Variants in MAGI1 observed in about 807,000 individuals in gnomAD.
MAGI1 encodes the protein membrane-associated guanylate kinase, WW and PDZ domain-containing protein 1.
In MAGI1, 58 loss-of-function variants were observed where a neutral mutation model predicts 139.9. The observed-to-expected ratio is 0.41, with a 90% CI of 0.34 to 0.52. The LOEUF is 0.52. Ranked by LOEUF, MAGI1 falls within the 20% of genes least tolerant of loss-of-function variation. The pLI is 0.12. For missense variants in MAGI1, 1,874 were observed against 1,901.6 expected, an observed-to-expected ratio of 0.99 and a Z score of 0.27; for synonymous variants, 812 against 737.9, an observed-to-expected ratio of 1.10 and a Z score of -1.63.
chr3:65,372,030 G>A (rs997432766), intron 18 of MAGI1: 3 of 251,518 alleles, frequency 1.2e-5, no homozygotes, highest in Non-Finnish European at 2.4e-5. Context: ...TGTCTCCCAT[G>A]AATCATAAAT....
chr3:65,898,867 A>G (rs1300341716), intron 1 of MAGI1, among the ~76,000 whole-genome samples: 1 of 152,220 alleles, frequency 6.6e-6, no homozygotes, highest in Non-Finnish European at 1.5e-5. Flanking sequence ...ATGAATATGT[A>G]CAATTATTAT....
At chr3:65,509,267 A>G (rs2077444660) in intron 2 of MAGI1, among the ~76,000 whole-genome samples, 1 of 152,164 alleles carries the variant, frequency 6.6e-6, no homozygotes, top group African/African-American at 2.4e-5. Context: ...AACACATAAC[A>G]TATGTTACAT....
intron 2 of MAGI1, among the ~76,000 whole-genome samples, chr3:65,605,084 CAAAGAT>C (rs1253040863): frequency 1.3e-5 from 2 of 152,178 alleles, no homozygotes; most frequent in African/African-American, 2.4e-5. Context: ...ACAGCTCTAA[CAAAGAT>C]AAAGTTCCAG....
intron 1 of MAGI1, among the ~76,000 whole-genome samples, chr3:65,911,871 C>A (rs2061682890): frequency 6.6e-6 from 1 of 152,152 alleles, no homozygotes; most frequent in South Asian, 2.1e-4. Context: ...TAGTGGCTTC[C>A]TGTTCGTTAC....
chr3:65,872,370 C>T (rs576235840), intron 1 of MAGI1, among the ~76,000 whole-genome samples: 1 of 152,336 alleles, frequency 6.6e-6, no homozygotes, highest in South Asian at 2.1e-4. Context: ...AACTCTTCCT[C>T]TCCACTGTCT....
intron 2 of MAGI1, among the ~76,000 whole-genome samples, chr3:65,586,247 A>G (rs2081671116): frequency 6.6e-6 from 1 of 152,028 alleles, no homozygotes. Context: ...GCTTAAGTCC[A>G]TTTTATTAAG....
intron 1 of MAGI1, among the ~76,000 whole-genome samples, chr3:65,936,233 A>C (rs1294613124): frequency 6.6e-6 from 1 of 152,220 alleles, no homozygotes; most frequent in Non-Finnish European, 1.5e-5. Context: ...AAGGCCCTAG[A>C]AATAACAGGA....
intron 1 of MAGI1, among the ~76,000 whole-genome samples, chr3:65,992,851 G>A (rs899061477): frequency 1.3e-5 from 2 of 151,982 alleles, no homozygotes; most frequent in African/African-American, 2.4e-5. Context: ...GTTATTGTAG[G>A]GTTTCACTCT....
intron 1 of MAGI1, among the ~76,000 whole-genome samples, chr3:65,705,081 C>G (rs1450913899): frequency 2.6e-5 from 4 of 151,736 alleles, no homozygotes; most frequent in Non-Finnish European, 5.9e-5. Flanking sequence ...CTAGATAGGA[C>G]AGAAATGCAG....
chr3:65,617,144 C>T (rs1183678641), intron 2 of MAGI1, among the ~76,000 whole-genome samples: 1 of 152,184 alleles, frequency 6.6e-6, no homozygotes, highest in Admixed American at 6.5e-5. Flanking sequence ...TCCGTAAAGT[C>T]CTTTAAGTCA....
chr3:65,594,957 T>C (rs535901411), intron 2 of MAGI1, among the ~76,000 whole-genome samples: 3 of 152,342 alleles, frequency 2.0e-5, no homozygotes, highest in East Asian at 1.9e-4. Context: ...TATTTATTTA[T>C]TGAAATCATT....
At chr3:65,830,381 T>C (rs1385363710) in intron 1 of MAGI1, among the ~76,000 whole-genome samples, 4 of 150,928 alleles carry the variant, frequency 2.7e-5, no homozygotes, top group African/African-American at 4.9e-5. Flanking sequence ...CACTTCCAAA[T>C]AAAGACATGG....
chr3:65,858,665 C>T (rs1182112959), intron 1 of MAGI1, among the ~76,000 whole-genome samples: 1 of 152,150 alleles, frequency 6.6e-6, no homozygotes, highest in East Asian at 1.9e-4. Context: ...GGAAGATAGC[C>T]TTGTGACCAG....
chr3:65,407,212 T>C (rs1945408178), intron 12 of MAGI1, among the ~76,000 whole-genome samples: 1 of 152,060 alleles, frequency 6.6e-6, no homozygotes, highest in African/African-American at 2.4e-5. Context: ...TTTGGGAGGC[T>C]GAGGCAAGTG....
In MAGI1 at chr3:65,881,905, G is replaced by A. The variant is rs955517076; in HGVS notation, c.313+156091C>T. Among the ~76,000 whole-genome samples the A allele has an allele frequency of 4.6e-5, 7 of 152,164 alleles. No individual in the cohort carries two copies. The East Asian group carries it at 5.8e-4, about 13-fold the overall frequency. ...CCTCTGGAAAGCCAGTAGAGGAAAC[G>A]GCCCTAGCTAGGCAGTGCCCATCCA... On this transcript the variant is annotated intron_variant, in intron 1 of 22. Transcript: ENST00000402939.
chr3:65,817,228 T>C (rs1333531525), intron 1 of MAGI1, among the ~76,000 whole-genome samples: 2 of 152,220 alleles, frequency 1.3e-5, no homozygotes, highest in Non-Finnish European at 2.9e-5. Flanking sequence ...TATAGAACTA[T>C]ATGCTTTTTT....
At chr3:65,817,178 G>A (rs911624492) in intron 1 of MAGI1, among the ~76,000 whole-genome samples, 1 of 151,996 alleles carries the variant, frequency 6.6e-6, no homozygotes, top group African/African-American at 2.4e-5. Flanking sequence ...ATATGTCAAT[G>A]GACTAATTCT....
At chr3:65,392,775 T>C (rs1014711009) in intron 13 of MAGI1, among the ~76,000 whole-genome samples, 6 of 152,214 alleles carry the variant, frequency 3.9e-5, no homozygotes, top group African/African-American at 1.4e-4. Context: ...AAAAACTTCA[T>C]CTGCTCTTGA....
intron 1 of MAGI1, among the ~76,000 whole-genome samples, chr3:65,645,982 A>C (rs1433812667): frequency 6.6e-6 from 1 of 152,112 alleles, no homozygotes; most frequent in Non-Finnish European, 1.5e-5. Context: ...AATAAAAAAG[A>C]AAATAAAAGA....
Sources: gnomAD v4.1 joint callset for allele counts (sites outside exome capture counted in the v4.1 genomes callset) on GRCh38, gnomAD v4.1.1 for gene constraint, MANE v1.5 for transcripts, NCBI Gene and HGNC (gene_info 2026-07-23, HGNC 2026-07-21) for gene names.